Variants in NRXN1 observed in about 807,000 individuals in gnomAD.
The protein encoded by NRXN1 is neurexin-1.
Under a neutral mutation model 150.9 loss-of-function variants are expected in NRXN1, and 39 were observed. The observed-to-expected ratio is 0.26, with a 90% confidence interval of 0.20 to 0.34. The LOEUF (loss-of-function observed/expected upper bound fraction) is 0.34. Among genes scored for constraint, NRXN1 ranks in the 10% least tolerant of loss-of-function variants. The pLI, the probability that NRXN1 is intolerant of heterozygous loss-of-function variation, is 1.00. For missense variants in NRXN1, 1,815 were observed against 1,949.9 expected (o/e 0.93, Z 1.30); for synonymous variants, 924 against 757.0 (o/e 1.22, Z -3.62).
At chr2:50,678,874 G>T (rs1422810096) in intron 5 of NRXN1, among the ~76,000 whole-genome samples, 1 of 152,006 alleles carries the variant, frequency 6.6e-6, no homozygotes, top group East Asian at 1.9e-4. Context: ...ATATTTTACT[G>T]GTTTTAGACC....
intron 5 of NRXN1, among the ~76,000 whole-genome samples, chr2:50,706,271 T>A (rs904200027): frequency 4.6e-5 from 7 of 152,214 alleles, no homozygotes; most frequent in Admixed American, 1.3e-4. Flanking sequence ...CAGGGTACTT[T>A]TTGATACATA....
chr2:50,828,080 C>G (rs1485417383), intron 5 of NRXN1, among the ~76,000 whole-genome samples: 1 of 151,486 alleles, frequency 6.6e-6, no homozygotes, highest in Non-Finnish European at 1.5e-5. Context: ...TTCCACAAAA[C>G]CGCCATTGTC....
intron 2 of NRXN1, among the ~76,000 whole-genome samples, chr2:50,957,430 T>C (rs769392973): frequency 6.6e-6 from 1 of 152,182 alleles, no homozygotes; most frequent in Non-Finnish European, 1.5e-5. Flanking sequence ...GAGTGGATAT[T>C]ACCGGCATTT....
chr2:50,619,841 T>C (rs1282030057), intron 8 of NRXN1, 181 bp downstream of exon 8: 1 of 473,928 alleles, frequency 2.1e-6, no homozygotes, highest in Admixed American at 4.0e-5. Context: ...ACCTAATTCC[T>C]TCATAATGAT....
At chr2:50,108,811 C>A (rs1452475036) in intron 18 of NRXN1, among the ~76,000 whole-genome samples, 4 of 152,054 alleles carry the variant, frequency 2.6e-5, no homozygotes, top group Non-Finnish European at 4.4e-5. Flanking sequence ...TTGGTTTAAA[C>A]ATGTCAATCA....
intron 5 of NRXN1, among the ~76,000 whole-genome samples, chr2:50,629,924 T>C (rs1681946799): frequency 1.1e-5 from 1 of 94,766 alleles, no homozygotes; most frequent in Non-Finnish European, 2.3e-5. Flanking sequence ...TGTTGATTAA[T>C]GGATTGATTC....
At chr2:50,694,968 T>A (rs751705319) in intron 5 of NRXN1, among the ~76,000 whole-genome samples, 8 of 152,148 alleles carry the variant, frequency 5.3e-5, no homozygotes, top group Non-Finnish European at 1.2e-4. Flanking sequence ...CATAGCCAAA[T>A]CACCTCCATG....
rs539923469 is a variant in NRXN1 at position 50,746,756 on chromosome 2, G to A, written c.833-123141C>T. On this transcript the variant is annotated intron_variant, in intron 5 of 22. Coordinates refer to ENST00000401669, the MANE Select transcript of NRXN1 (RefSeq NM_001330078.2). ...TTGTCAGAGGCTCTTAAGGCTCATAGTTCTGAAATTAGGATGCATTTCAAG... is the reference window on the plus strand; with the variant it reads ...TTGTCAGAGGCTCTTAAGGCTCATAATTCTGAAATTAGGATGCATTTCAAG... Among the ~76,000 whole-genome samples, 12 of 152,194 alleles carry A rather than the reference G, an allele frequency of 7.9e-5. No homozygotes were observed. In the South Asian group the frequency reaches 2.1e-3, roughly 26 times the overall value.
intron 17 of NRXN1, among the ~76,000 whole-genome samples, chr2:50,343,245 G>A (rs2077683773): frequency 6.6e-6 from 1 of 152,082 alleles, no homozygotes; most frequent in Admixed American, 6.5e-5. Flanking sequence ...ATTTTCTAAA[G>A]TATGCAGAGG....
chr2:50,935,737 G>T (rs1688446727), intron 2 of NRXN1, among the ~76,000 whole-genome samples: 1 of 151,012 alleles, frequency 6.6e-6, no homozygotes, highest in South Asian at 2.1e-4. Context: ...AAACAAAAAA[G>T]TAACCCGAAT....
At chr2:49,974,312 C>A in intron 21 of NRXN1, 1 of 487,406 alleles carries the variant, frequency 2.1e-6, no homozygotes, top group African/African-American at 2.0e-5. Flanking sequence ...CACAGCCCAG[C>A]CCGGCACCAC....
intron 8 of NRXN1, among the ~76,000 whole-genome samples, chr2:50,610,644 T>TAC (rs1209097797): frequency 6.9e-5 from 6 of 86,704 alleles, no homozygotes; most frequent in African/African-American, 3.0e-4. Flanking sequence ...AATAGATACA[T>TAC]ATATATATAT....
intron 5 of NRXN1, among the ~76,000 whole-genome samples, chr2:50,733,170 G>A (rs1698306329): frequency 6.6e-6 from 1 of 152,154 alleles, no homozygotes; most frequent in Admixed American, 6.5e-5. Flanking sequence ...GGAAACATTT[G>A]TGTAGACTGA....
At chr2:50,965,740 C>A (rs10169858) in intron 2 of NRXN1, among the ~76,000 whole-genome samples, 3 of 151,406 alleles carry the variant, frequency 2.0e-5, no homozygotes, top group Admixed American at 1.3e-4. Context: ...CTTTTATTCA[C>A]AAATGAATGC....
chr2:50,015,182 C>T (rs1274451359), intron 21 of NRXN1, among the ~76,000 whole-genome samples: 1 of 152,080 alleles, frequency 6.6e-6, no homozygotes, highest in Admixed American at 6.6e-5. Flanking sequence ...CAGAGCATAT[C>T]TTGTACTTTC....
intron 5 of NRXN1, among the ~76,000 whole-genome samples, chr2:50,807,205 A>G (rs1321580332): frequency 2.0e-5 from 3 of 152,110 alleles, no homozygotes; most frequent in Admixed American, 2.0e-4. Context: ...AGACATAAAG[A>G]TATAAAAAAC....
At chr2:50,757,501 T>C (rs907373435) in intron 5 of NRXN1, among the ~76,000 whole-genome samples, 3 of 151,824 alleles carry the variant, frequency 2.0e-5, no homozygotes, top group African/African-American at 7.2e-5. Context: ...AAATATCCCA[T>C]GGATCCCCAA....
At chr2:50,811,097 C>A (rs1350935121) in intron 5 of NRXN1, among the ~76,000 whole-genome samples, 1 of 152,140 alleles carries the variant, frequency 6.6e-6, no homozygotes, top group African/African-American at 2.4e-5. Context: ...ATAATGATCA[C>A]ATTTTAAAAA....
intron 8 of NRXN1, among the ~76,000 whole-genome samples, chr2:50,599,764 C>T (rs1573730711): frequency 1.3e-5 from 2 of 152,282 alleles, no homozygotes; most frequent in South Asian, 4.1e-4. Context: ...TCAGAAACGC[C>T]TGGATGTTTC....
Sources: allele counts gnomAD v4.1 joint callset (sites outside exome capture counted in the v4.1 genomes callset), GRCh38; gene constraint gnomAD v4.1.1; transcripts MANE v1.5; gene names NCBI Gene and HGNC (gene_info 2026-07-23, HGNC 2026-07-21).